Variants in CSNK2A1 observed in about 807,000 individuals in gnomAD.
CSNK2A1 encodes the protein casein kinase II subunit alpha.
In CSNK2A1, 10 loss-of-function variants were observed where a neutral mutation model predicts 62.9. That is an observed-to-expected ratio of 0.16 (90% confidence interval 0.10 to 0.27). The LOEUF is 0.27. Among genes scored for constraint, CSNK2A1 ranks in the 10% least tolerant of loss-of-function variants. The pLI, the probability that CSNK2A1 is intolerant of heterozygous loss-of-function variation, is 1.00. For missense variants in CSNK2A1, 160 were observed against 492.0 expected (o/e 0.33, Z 6.38); for synonymous variants, 124 against 167.8 (o/e 0.74, Z 2.02).
chr20:476,796 C>T lies in CSNK2A1; in HGVS notation c.*7165G>A, dbSNP rs1568485307. On this transcript the variant is annotated 3_prime_UTR_variant, in exon 14 of 14. Coordinates refer to ENST00000217244, the MANE Select transcript of CSNK2A1 (RefSeq NM_177559.3). The stretch of plus-strand genomic sequence containing the variant: ...ATGTTTCCCAGACCGGCCTTGAATT[C>T]CTGAGCTCAAGTGAGTCGCCCGCCT... The T allele has an allele frequency of 1.3e-5, 2 of 152,226 alleles. No homozygotes were observed. Among genetic ancestry groups the T allele is most frequent in the African/African-American group, 4.8e-5 (2 of 41,426 alleles). The allele number at this position is 152,226 out of a possible 1,614,324, so 9.4% of individuals were successfully genotyped here.
intron 2 of CSNK2A1, among the ~76,000 whole-genome samples, chr20:514,705 G>A (rs558364542): frequency 6.6e-6 from 1 of 152,186 alleles, no homozygotes; most frequent in African/African-American, 2.4e-5. Context: ...GCCTCCCGAA[G>A]TGCTGAGATT....
At chr20:489,062 T>G in intron 10 of CSNK2A1, 1 of 313,168 alleles carries the variant, frequency 3.2e-6, no homozygotes, top group Non-Finnish European at 6.0e-6. Flanking sequence ...CATTGCACAC[T>G]CAAACTACTC....
chr20:538,475 A>G (rs1316064317), intron 1 of CSNK2A1, among the ~76,000 whole-genome samples: 1 of 152,232 alleles, frequency 6.6e-6, no homozygotes, highest in African/African-American at 2.4e-5. Context: ...TAATAACTCA[A>G]AAGAAATGGT....
At chr20:511,118 C>T (rs1472433931) in intron 2 of CSNK2A1, among the ~76,000 whole-genome samples, 1 of 152,018 alleles carries the variant, frequency 6.6e-6, no homozygotes, top group Non-Finnish European at 1.5e-5. Flanking sequence ...GAGGGTGGAT[C>T]GCTTGAACCC....
chr20:523,881 A>C (rs1263982061), intron 2 of CSNK2A1, among the ~76,000 whole-genome samples: 2 of 149,840 alleles, frequency 1.3e-5, no homozygotes, highest in East Asian at 2.0e-4. Context: ...AAAAAAAAAA[A>C]CTGTAGTAAC....
intron 6 of CSNK2A1, 48 bp from the exon 7 acceptor site, chr20:497,828 C>A: frequency 6.5e-7 from 1 of 1,535,422 alleles, no homozygotes; most frequent in South Asian, 1.1e-5. Context: ...GACAGAAAGG[C>A]ATTTTTCACC....
chr20:524,780 G>A (rs1429438042), intron 2 of CSNK2A1, among the ~76,000 whole-genome samples: 2 of 150,448 alleles, frequency 1.3e-5, no homozygotes, highest in Non-Finnish European at 1.5e-5. Context: ...ATGTATACAT[G>A]CACTGAAACA....
intron 1 of CSNK2A1, among the ~76,000 whole-genome samples, chr20:534,377 G>C (rs1022636701): frequency 1.6e-4 from 24 of 152,156 alleles, no homozygotes; most frequent in African/African-American, 5.6e-4. Flanking sequence ...TCAATAATCA[G>C]GTTTCTTCAT....
intron 9 of CSNK2A1, among the ~76,000 whole-genome samples, chr20:491,760 A>G (rs1316759322): frequency 6.6e-6 from 1 of 152,124 alleles, no homozygotes; most frequent in African/African-American, 2.4e-5. Flanking sequence ...AGTCTCTACT[A>G]AAAATACAAG....
chr20:491,798 C>T (rs1487497744), intron 9 of CSNK2A1, among the ~76,000 whole-genome samples: 1 of 152,128 alleles, frequency 6.6e-6, no homozygotes, highest in Non-Finnish European at 1.5e-5. Context: ...GTGGTGGGTG[C>T]CTGTAGTCCC....
rs2017775463 is a variant in CSNK2A1, at chr20:472,653, C to A, written c.*11308G>T. ...TGTGGGCAATAAACATTGTCAACAT[C>A]CCAAGTAGACAGCAGTCCTGTGTGT... On this transcript the variant is annotated 3_prime_UTR_variant, in exon 14 of 14. Transcript: ENST00000217244. The A allele has an allele frequency of 6.6e-6, 1 of 152,184 alleles. No individual in the cohort carries two copies. Among genetic ancestry groups the A allele is most frequent in the Non-Finnish European group, 1.5e-5 (1 of 68,036 alleles). 9.4% of individuals were successfully genotyped at this position (152,184 alleles called of 1,614,324 possible).
intron 4 of CSNK2A1, chr20:502,586 A>G (rs2018493880): frequency 1.3e-5 from 2 of 152,228 alleles, no homozygotes; most frequent in South Asian, 2.1e-4. Context: ...AAATTCATCT[A>G]TACTTACACC....
At position 535,478 on chromosome 20, in the gene CSNK2A1, G is replaced by A. The variant is rs61514425; in HGVS notation, c.-226-7429C>T. On this transcript the variant is annotated intron_variant, in intron 1 of 13. Coordinates refer to ENST00000217244, the MANE Select transcript of CSNK2A1 (RefSeq NM_177559.3). ...ATCATAAATACACAAAACACTGGCC[G>A]GGCGCGGTGGCTCACGCCTGTAACC... 9.2e-3 allele frequency among the ~76,000 whole-genome samples: 1,400 copies of A among 152,062 alleles called. 21 individuals are homozygous for A. The highest frequency in any genetic ancestry group is 0.031 in the African/African-American group (1,302 of 41,478).
At position 480,030 on chromosome 20, in the gene CSNK2A1, A is replaced by T. The variant is rs2017925156; in HGVS notation, c.*3931T>A. The T allele has an allele frequency of 6.6e-6, 1 of 152,208 alleles. No individual in the cohort carries two copies. Among genetic ancestry groups the T allele is most frequent in the Admixed American group, 6.5e-5 (1 of 15,270 alleles). The allele number at this position is 152,208 out of a possible 1,614,324, so 9.4% of individuals were successfully genotyped here. Reference sequence around the variant, plus strand: ...ACAGGTAATACAGCAGGGGAAAAGCAGGGAGACTGCAGCATCTAAGTCTAC... The same window carrying T: ...ACAGGTAATACAGCAGGGGAAAAGCTGGGAGACTGCAGCATCTAAGTCTAC... On this transcript the variant is annotated 3_prime_UTR_variant, in exon 14 of 14. Transcript: ENST00000217244.
Position 473,096 on chromosome 20 carries a change from A to C in CSNK2A1, c.*10865T>G, listed in dbSNP as rs2017784036. 6.6e-6 allele frequency: 1 copy of C among 152,488 alleles called. No homozygotes were observed. Among genetic ancestry groups the C allele is most frequent in the African/African-American group, 2.4e-5 (1 of 41,474 alleles). 9.4% of individuals were successfully genotyped at this position (152,488 alleles called of 1,614,324 possible). A position where few individuals can be genotyped will look rare whatever the true frequency, so the allele number is the denominator to read the frequency against. Reference sequence around the variant, plus strand: ...CAATGCAGCAGCTTCCAGTTCCTCCAATGACACCTTGGACTGAGGGTGCAG... The same window carrying C: ...CAATGCAGCAGCTTCCAGTTCCTCCCATGACACCTTGGACTGAGGGTGCAG... On this transcript the variant is annotated 3_prime_UTR_variant, in exon 14 of 14. Coordinates refer to ENST00000217244, the MANE Select transcript of CSNK2A1 (RefSeq NM_177559.3).
chr20:484,156 AG>A, intron 13 of CSNK2A1, 80 bp from the exon 14 acceptor site: 1 of 1,164,332 alleles, frequency 8.6e-7, no homozygotes, highest in South Asian at 1.7e-5. Flanking sequence ...TCACTGCAAA[AG>A]GAACACAATA....
intron 1 of CSNK2A1, chr20:540,834 T>C (rs1359894625): frequency 6.6e-6 from 1 of 152,200 alleles, no homozygotes; most frequent in Non-Finnish European, 1.5e-5. Context: ...TCACAGTTAT[T>C]GTAGGTCAGA....
intron 2 of CSNK2A1, among the ~76,000 whole-genome samples, chr20:514,199 C>A (rs1344740284): frequency 6.6e-6 from 1 of 151,800 alleles, no homozygotes; most frequent in East Asian, 1.9e-4. Flanking sequence ...TAAAAATGAG[C>A]TGGGTGTAGT....
intron 12 of CSNK2A1, chr20:487,138 AGGGCT>A (rs2018117479): frequency 2.4e-6 from 1 of 417,142 alleles, no homozygotes; most frequent in Non-Finnish European, 4.3e-6. Context: ...GGAAAGATAC[AGGGCT>A]GTGTATTCTA....
Sources: gnomAD v4.1 joint callset for allele counts (sites outside exome capture counted in the v4.1 genomes callset) on GRCh38, gnomAD v4.1.1 for gene constraint, MANE v1.5 for transcripts, NCBI Gene and HGNC (gene_info 2026-07-23, HGNC 2026-07-21) for gene names.